The following LUZP1 variants were observed in gnomAD, a reference collection of about 807,000 sequenced individuals.
LUZP1 encodes leucine zipper protein 1.
A neutral mutation model predicts 71.3 loss-of-function variants in LUZP1; 25 were observed. The observed-to-expected ratio is 0.35, with a 90% CI of 0.26 to 0.49. LUZP1 has a LOEUF of 0.49. LUZP1 is among the 20% of genes least tolerant of loss of function. The pLI is 0.99. For missense variants in LUZP1, 1,142 were observed against 1,300.8 expected (o/e 0.88, Z 1.88); for synonymous variants, 481 against 506.4 (o/e 0.95, Z 0.67).
intron 1 of LUZP1, among the ~76,000 whole-genome samples, chr1:23,172,896 C>T (rs1009779166): frequency 6.6e-5 from 10 of 151,488 alleles, no homozygotes; most frequent in African/African-American, 2.2e-4. Flanking sequence ...TGCAGTGGTG[C>T]GATCTCGGCT....
At chr1:23,102,154 C>A (rs1200952144) in intron 3 of LUZP1, among the ~76,000 whole-genome samples, 1 of 152,010 alleles carries the variant, frequency 6.6e-6, no homozygotes. Flanking sequence ...CCTTGGGAAA[C>A]CATAAGAAGG....
chr1:23,107,730 AG>A (rs1643995013), intron 3 of LUZP1, among the ~76,000 whole-genome samples: 2 of 152,204 alleles, frequency 1.3e-5, no homozygotes, highest in Admixed American at 1.3e-4. Context: ...TGAGCCCAGG[AG>A]GAGGAGGTTT....
intron 2 of LUZP1, among the ~76,000 whole-genome samples, chr1:23,165,696 T>G (rs1335583515): frequency 6.6e-6 from 1 of 152,134 alleles, no homozygotes; most frequent in East Asian, 1.9e-4. Flanking sequence ...TCATCAAATA[T>G]TTGCTATGCA....
chr1:23,162,521 C>A (rs1405281337), intron 2 of LUZP1, among the ~76,000 whole-genome samples: 4 of 151,608 alleles, frequency 2.6e-5, no homozygotes, highest in Non-Finnish European at 5.9e-5. Flanking sequence ...TCACTGCAAG[C>A]TCTGCCTCCT....
At position 23,139,952 on chromosome 1, in the gene LUZP1, GA is replaced by G. The variant is rs562378628; in HGVS notation, c.-226+28813del. 2.5e-3 allele frequency among the ~76,000 whole-genome samples: 329 copies of G among 131,540 alleles called. 1 individual carries two copies. Among genetic ancestry groups the G allele is most frequent in the Middle Eastern group, 3.8e-3 (1 of 262 alleles). 86.3% of individuals were successfully genotyped at this position (131,540 alleles called of 152,430 possible). ...AGGGCAGAGCAAAATTCTGTCTCAAGAAAAAAAAAAAAAATGTGTTAACTGT... is the reference window on the plus strand; with the variant it reads ...AGGGCAGAGCAAAATTCTGTCTCAAGAAAAAAAAAAAAATGTGTTAACTGT... On this transcript the variant is annotated intron_variant, in intron 2 of 4. Transcript: ENST00000302291.
At chr1:23,086,046 G>C (rs1557616608) in exon 5 of LUZP1, 1 of 152,250 alleles carries the variant, frequency 6.6e-6, no homozygotes, top group African/African-American at 2.4e-5. Flanking sequence ...ACCGGGGGCA[G>C]TGGGACTATT....
At chr1:23,128,951 A>G (rs1349662880) in intron 2 of LUZP1, among the ~76,000 whole-genome samples, 1 of 152,254 alleles carries the variant, frequency 6.6e-6, no homozygotes, top group Non-Finnish European at 1.5e-5. Context: ...TTAACAGCAT[A>G]AGCCTATATA....
intron 3 of LUZP1, among the ~76,000 whole-genome samples, chr1:23,095,263 T>C (rs894564216): frequency 6.6e-6 from 1 of 152,200 alleles, no homozygotes; most frequent in Admixed American, 6.5e-5. Flanking sequence ...ACAGCTTTCA[T>C]GAACAATAAG....
At chr1:23,145,466 CTCTT>C (rs1171570592) in intron 2 of LUZP1, among the ~76,000 whole-genome samples, 1 of 148,656 alleles carries the variant, frequency 6.7e-6, no homozygotes, top group African/African-American at 2.5e-5. Flanking sequence ...TACTATTAAT[CTCTT>C]TTTTTTTTTT....
chr1:23,131,144 G>A (rs996425292), intron 2 of LUZP1, among the ~76,000 whole-genome samples: 26 of 147,620 alleles, frequency 1.8e-4, no homozygotes, highest in African/African-American at 5.8e-4. Flanking sequence ...GCTTGAACCC[G>A]GGAGATGGAG....
rs1643879295 is a variant in LUZP1, at chr1:23,093,998, C to T, written c.264G>A (p.Leu88=). 6.2e-6 allele frequency: 10 copies of T among 1,614,238 alleles called. No homozygotes were observed. Among genetic ancestry groups the T allele is most frequent in the Non-Finnish European group, 7.6e-6 (9 of 1,180,040 alleles). Residue 88 remains leucine (L), a synonymous_variant, in exon 4 of 5, where the codon CTG becomes CTA. Coordinates refer to ENST00000302291, the Ensembl canonical transcript of LUZP1. This position sits in a 1 kb window ranked among gnomAD's most constrained non-coding sequence, Gnocchi z 4.2. ...CAAGTTTCTCCTTCATCAGACGACA[C>T]AGATCCTCTGCTCTCTTAATTTCCT...
chr1:23,166,803 A>T (rs1644513528), intron 2 of LUZP1, among the ~76,000 whole-genome samples: 1 of 152,160 alleles, frequency 6.6e-6, no homozygotes, highest in Non-Finnish European at 1.5e-5. Flanking sequence ...GTCTTAAATT[A>T]TTTAAGATTA....
exon 4 of LUZP1, chr1:23,091,461 T>C: frequency 6.2e-7 from 1 of 1,614,178 alleles, no homozygotes. Context: ...TGGGGGGTCT[T>C]CTAAAGATTT....
At chr1:23,145,758 C>G (rs1028895031) in intron 2 of LUZP1, among the ~76,000 whole-genome samples, 1 of 152,120 alleles carries the variant, frequency 6.6e-6, no homozygotes, top group Non-Finnish European at 1.5e-5. Context: ...CCGGCGTGAG[C>G]CACTGCAGCT....
intron 2 of LUZP1, among the ~76,000 whole-genome samples, chr1:23,124,669 G>A (rs770795669): frequency 9.9e-5 from 15 of 152,062 alleles, no homozygotes; most frequent in Non-Finnish European, 2.2e-4. Context: ...CTACTAGAAT[G>A]GAAAGACTAC....
chr1:23,165,336 A>T (rs1254526114), intron 2 of LUZP1, among the ~76,000 whole-genome samples: 1 of 151,864 alleles, frequency 6.6e-6, no homozygotes, highest in Non-Finnish European at 1.5e-5. Context: ...ATTTTATTGT[A>T]TGTAAATTAT....
chr1:23,133,823 T>C (rs1488655345), intron 2 of LUZP1: 1 of 152,070 alleles, frequency 6.6e-6, no homozygotes, highest in Non-Finnish European at 1.5e-5. Context: ...TGACATTATA[T>C]GACTCCCAGT....
intron 2 of LUZP1, among the ~76,000 whole-genome samples, chr1:23,143,689 C>A (rs1241164176): frequency 4.6e-5 from 7 of 152,176 alleles, no homozygotes; most frequent in Non-Finnish European, 7.4e-5. Flanking sequence ...CCAATTTTAA[C>A]TAGAAACTCA....
At chr1:23,117,778 G>A (rs907433852) in intron 2 of LUZP1, among the ~76,000 whole-genome samples, 8 of 151,892 alleles carry the variant, frequency 5.3e-5, no homozygotes, top group Non-Finnish European at 8.8e-5. Flanking sequence ...CATGTCTCAC[G>A]TCAAAGTCTA....
Sources: allele counts gnomAD v4.1 joint callset (sites outside exome capture counted in the v4.1 genomes callset), GRCh38; gene constraint gnomAD v4.1.1; non-coding constraint Gnocchi (gnomAD v3.1); transcripts MANE v1.5; gene names NCBI Gene and HGNC (gene_info 2026-07-23, HGNC 2026-07-21).